The following TACC2 variants were observed in gnomAD, a reference collection of about 807,000 sequenced individuals.
The protein encoded by TACC2 is transforming acidic coiled-coil-containing protein 2.
TACC2 carries 137 observed loss-of-function variants against 227.3 expected under a neutral mutation model. The ratio of observed to expected loss-of-function variants is 0.60; its 90% CI spans 0.52 to 0.69. The LOEUF (loss-of-function observed/expected upper bound fraction) is 0.69. Among genes scored for constraint, TACC2 ranks in the 30% least tolerant of loss-of-function variants. The probability of loss-of-function intolerance (pLI) is 0.00; values close to 1 mark genes in which losing one functional copy is unlikely to be tolerated. For synonymous variants in TACC2, 1,523 were observed against 1,487.5 expected, an observed-to-expected ratio of 1.02 and a Z score of -0.55; for missense variants, 3,470 against 3,694.4, an observed-to-expected ratio of 0.94 and a Z score of 1.57.
chr10:122,121,920 C>T (rs962222345), intron 5 of TACC2, among the ~76,000 whole-genome samples: 6 of 152,176 alleles, frequency 3.9e-5, no homozygotes, highest in Non-Finnish European at 8.8e-5. Context: ...GGAGCTATGG[C>T]ATGCCCACTA....
chr10:122,132,870 G>T (rs1156274516), intron 6 of TACC2, 136 bp downstream of exon 6: 1 of 860,812 alleles, frequency 1.2e-6, no homozygotes, highest in South Asian at 1.7e-5. Context: ...ACACACACAG[G>T]GTGTGCACAC....
intron 5 of TACC2, among the ~76,000 whole-genome samples, chr10:122,132,082 G>GGAAGGAAGAA (rs1555059268): frequency 3.7e-5 from 5 of 135,990 alleles, no homozygotes; most frequent in East Asian, 2.2e-4. Context: ...AAGAAAGAAA[G>GGAAGGAAGAA]AGAAAGATCT....
At chr10:122,103,175 T>C (rs950752595) in intron 5 of TACC2, among the ~76,000 whole-genome samples, 1 of 141,742 alleles carries the variant, frequency 7.1e-6, no homozygotes, top group Non-Finnish European at 1.6e-5. Flanking sequence ...ATTCCTATGA[T>C]ATGGCTGGGT....
Position 122,237,534 on chromosome 10 carries a change from C to A in TACC2, c.8267C>A (p.Ala2756Glu), listed in dbSNP as rs779648529. 7 of 1,611,944 alleles carry A rather than the reference C, an allele frequency of 4.3e-6. No homozygotes were observed. The highest frequency in any genetic ancestry group is 5.9e-6 in the Non-Finnish European group (7 of 1,178,958). The change falls in exon 17 of 23, where the codon GCA becomes GAA. Residue 2756 changes from alanine (A) to glutamate (E), a missense_variant. By Grantham distance (107) the Ala-to-Glu change is moderately radical (BLOSUM62 -1). Coordinates refer to ENST00000369005, the MANE Select transcript of TACC2 (RefSeq NM_206862.4). ...GACTCTGCCCTCCAGATCGCCAGAGCAGAGGTATCGTGGCATGTGGTGTAA... is the reference window on the plus strand; with the variant it reads ...GACTCTGCCCTCCAGATCGCCAGAGAAGAGGTATCGTGGCATGTGGTGTAA... ...DLDSALQIARAEIITKEREVS... is the reference protein window; with the variant it reads ...DLDSALQIAREEIITKEREVS...
In TACC2 at chr10:122,050,241, G is replaced by A. The variant is rs2075519978; in HGVS notation, c.34-197G>A. On this transcript the variant is annotated intron_variant, in intron 2 of 22. Transcript: ENST00000369005. The surrounding 1 kb of genome is among the most constrained non-coding windows in gnomAD (Gnocchi z 4.6). ...GTTTCTTCCCCACTGGATGAGAGCA[G>A]CAGCCACCTTTGCTTCGCTGCCATA... Among the ~76,000 whole-genome samples the A allele has an allele frequency of 6.6e-6, 1 of 152,158 alleles. No individual in the cohort carries two copies. The highest frequency in any genetic ancestry group is 2.1e-4 in the South Asian group (1 of 4,832).
intron 7 of TACC2, among the ~76,000 whole-genome samples, chr10:122,157,040 A>G (rs1253543843): frequency 3.3e-5 from 5 of 152,166 alleles, no homozygotes; most frequent in Non-Finnish European, 5.9e-5. Flanking sequence ...TGAGCCCAGG[A>G]GGTCGAGGCT....
intron 8 of TACC2, among the ~76,000 whole-genome samples, chr10:122,201,399 C>T (rs2094845283): frequency 1.3e-5 from 2 of 151,968 alleles, no homozygotes; most frequent in Admixed American, 1.3e-4. Flanking sequence ...GGCCACCTCA[C>T]CTGCCCACAG....
rs6585781 is a variant in TACC2, at chr10:122,050,043, C to A, written c.34-395C>A. ...TGGTATGTGAAGCCATCGGTGGTGGCGGGAGGAAAATGTGTTTTCATCTCA... is the reference window on the plus strand; with the variant it reads ...TGGTATGTGAAGCCATCGGTGGTGGAGGGAGGAAAATGTGTTTTCATCTCA... On this transcript the variant is annotated intron_variant, in intron 2 of 22. Transcript: ENST00000369005. This position sits in a 1 kb window ranked among gnomAD's most constrained non-coding sequence, Gnocchi z 4.6. Among the ~76,000 whole-genome samples, 122,022 of 151,996 alleles carry A rather than the reference C, an allele frequency of 0.8. 49,532 individuals carry two copies. The highest frequency in any genetic ancestry group is 0.95 in the East Asian group (4,931 of 5,168).
chr10:122,162,093 C>T (rs2092851420), intron 7 of TACC2, among the ~76,000 whole-genome samples: 1 of 152,190 alleles, frequency 6.6e-6, no homozygotes, highest in Non-Finnish European at 1.5e-5. Flanking sequence ...GCAAGATTGA[C>T]ATAATCATTA....
intron 2 of TACC2, among the ~76,000 whole-genome samples, chr10:122,037,691 G>T (rs889625289): frequency 6.6e-6 from 1 of 152,186 alleles, no homozygotes; most frequent in Non-Finnish European, 1.5e-5. Context: ...ATACCCATCC[G>T]TGTGAGTAAA....
chr10:122,061,028 G>C (rs913049006), intron 3 of TACC2, among the ~76,000 whole-genome samples: 1 of 142,652 alleles, frequency 7.0e-6, no homozygotes, highest in Non-Finnish European at 1.5e-5. Flanking sequence ...AAGGGGGGGG[G>C]GCCAGGCACG....
chr10:122,196,579 TA>T (rs1368788013), intron 8 of TACC2, among the ~76,000 whole-genome samples: 1 of 152,206 alleles, frequency 6.6e-6, no homozygotes, highest in East Asian at 1.9e-4. Flanking sequence ...ACCAAGCATA[TA>T]AAACTGTATT....
chr10:122,196,769 C>T (rs987681789), intron 8 of TACC2, among the ~76,000 whole-genome samples: 9 of 151,680 alleles, frequency 5.9e-5, no homozygotes, highest in Non-Finnish European at 1.2e-4. Flanking sequence ...ACCCCATCTC[C>T]GTTAAAAATA....
chr10:122,128,271 G>A (rs1177540421), intron 5 of TACC2, among the ~76,000 whole-genome samples: 2 of 152,164 alleles, frequency 1.3e-5, no homozygotes, highest in Non-Finnish European at 2.9e-5. Context: ...GTTACATTTG[G>A]TGCCACAGCA....
At position 122,249,609 on chromosome 10, in the gene TACC2, G is replaced by C. The variant is rs56075957; in HGVS notation, c.8726G>C (p.Ser2909Thr). ...CAGGAGCAAGCCGCCCACCAGGCCAGCCTGCGGAAGGAGCAGCTGCGAGTG... is the reference window on the plus strand; with the variant it reads ...CAGGAGCAAGCCGCCCACCAGGCCACCCTGCGGAAGGAGCAGCTGCGAGTG... The part of the protein sequence containing the change: ...AQQEQAAHQA[S>T]LRKEQLRVDA... Residue 2909 changes from serine (S) to threonine (T), a missense_variant, in exon 22 of 23, where the codon AGC becomes ACC. Around this residue, in one of 10 missense-constraint regions of TACC2, gnomAD observed 89 missense variants for 91.4 expected, o/e 0.97. Coordinates refer to ENST00000369005, the MANE Select transcript of TACC2 (RefSeq NM_206862.4). 0.06 allele frequency: 96,383 copies of C among 1,613,766 alleles called. 3,261 individuals carry two copies. The highest frequency in any genetic ancestry group is 0.073 in the Middle Eastern group (443 of 6,042).
rs1591470845 is a variant in TACC2, at chr10:122,050,567, G to A, written c.146+17G>A. On this transcript the variant is annotated intron_variant, in intron 3 of 22. Transcript: ENST00000369005. This position sits in a 1 kb window ranked among gnomAD's most constrained non-coding sequence, Gnocchi z 4.6. ...CGCGTCCAGGTAGGAGGCCAGCTCT[G>A]GAGGACTGATGCAGCCCAAGGACTG... The A allele has an allele frequency of 2.5e-6, 4 of 1,597,518 alleles. No homozygotes were observed. The African/African-American group carries it at 4.0e-5, about 16-fold the overall frequency.
intron 2 of TACC2, among the ~76,000 whole-genome samples, chr10:122,027,985 T>C (rs1958267094): frequency 6.6e-6 from 1 of 151,900 alleles, no homozygotes; most frequent in South Asian, 2.1e-4. Flanking sequence ...CCTTGTGATC[T>C]GCCCTCCTCG....
At chr10:122,017,509 T>C (rs1956810239) in intron 1 of TACC2, among the ~76,000 whole-genome samples, 1 of 152,040 alleles carries the variant, frequency 6.6e-6, no homozygotes, top group East Asian at 1.9e-4. Context: ...CTAATAAGAT[T>C]CTCCTTCTTA....
At chr10:122,107,361 G>T (rs1186249277) in intron 5 of TACC2, among the ~76,000 whole-genome samples, 1 of 151,980 alleles carries the variant, frequency 6.6e-6, no homozygotes, top group African/African-American at 2.4e-5. Context: ...GGCCGAGGCA[G>T]GTGGATCACT....
Sources: gnomAD v4.1 joint callset for allele counts (sites outside exome capture counted in the v4.1 genomes callset) on GRCh38, gnomAD v4.1.1 for gene constraint, gnomAD v4.1.1 regional missense constraint, Gnocchi (gnomAD v3.1) non-coding constraint, MANE v1.5 for transcripts, NCBI Gene and HGNC (gene_info 2026-07-23, HGNC 2026-07-21) for gene names.